STRN3: variants seen among roughly 807,000 people sequenced by gnomAD.
STRN3 encodes the protein striatin 3, also known as striatin-3.
STRN3 carries 29 observed loss-of-function variants against 95.6 expected under a neutral mutation model. The ratio of observed to expected loss-of-function variants is 0.30; its 90% CI spans 0.23 to 0.41. STRN3 has a LOEUF of 0.41. Among genes scored for constraint, STRN3 ranks in the 10% least tolerant of loss-of-function variants. The pLI, the probability that STRN3 is intolerant of heterozygous loss-of-function variation, is 1.00. For missense variants in STRN3, 890 were observed against 972.1 expected (o/e 0.92, Z 1.12); for synonymous variants, 331 against 357.6 (o/e 0.93, Z 0.84).
intron 1 of STRN3, among the ~76,000 whole-genome samples, chr14:30,992,730 C>T (rs1308644247): frequency 6.6e-6 from 1 of 151,740 alleles, no homozygotes; most frequent in Non-Finnish European, 1.5e-5. Flanking sequence ...AGTGAGTAAA[C>T]TGGCCAGGTA....
intron 1 of STRN3, among the ~76,000 whole-genome samples, chr14:30,965,617 C>T (rs1255622829): frequency 6.6e-6 from 1 of 151,830 alleles, no homozygotes; most frequent in African/African-American, 2.4e-5. Flanking sequence ...GTCAGGAGTT[C>T]AAGACCAGCC....
intron 1 of STRN3, among the ~76,000 whole-genome samples, chr14:31,003,030 G>A (rs61976804): frequency 0.039 from 5,914 of 152,132 alleles, 145 homozygotes; most frequent in East Asian, 0.08. Context: ...TTGGGAGGCC[G>A]AGGTGGACGG....
At chr14:30,964,774 G>A (rs1880393550) in intron 1 of STRN3, among the ~76,000 whole-genome samples, 1 of 152,060 alleles carries the variant, frequency 6.6e-6, no homozygotes, top group East Asian at 1.9e-4. Context: ...ACAAAAATTA[G>A]CCAGCTGTGG....
At chr14:30,924,800 C>T (rs919546622) in intron 8 of STRN3, among the ~76,000 whole-genome samples, 1 of 152,096 alleles carries the variant, frequency 6.6e-6, no homozygotes, top group African/African-American at 2.4e-5. Context: ...CAGTGAGCTA[C>T]AATGTGCTAC....
At chr14:31,002,022 C>T (rs180843812) in intron 1 of STRN3, among the ~76,000 whole-genome samples, 3 of 151,756 alleles carry the variant, frequency 2.0e-5, no homozygotes, top group Middle Eastern at 3.4e-3. Flanking sequence ...AAAAATCAGC[C>T]GGGCATGGTG....
At chr14:30,931,538 T>C (rs149318810) in intron 7 of STRN3, among the ~76,000 whole-genome samples, 1 of 152,330 alleles carries the variant, frequency 6.6e-6, no homozygotes, top group East Asian at 1.9e-4. Flanking sequence ...TAACTAACTT[T>C]ATGCAAATAC....
At chr14:30,933,183 G>C (rs1878626805) in intron 7 of STRN3, among the ~76,000 whole-genome samples, 1 of 151,040 alleles carries the variant, frequency 6.6e-6, no homozygotes. Flanking sequence ...GGAGACTGAG[G>C]TGGGAAGACC....
chr14:30,916,599 CTTT>C (rs1308391425), intron 9 of STRN3, among the ~76,000 whole-genome samples: 1 of 151,252 alleles, frequency 6.6e-6, no homozygotes. Flanking sequence ...TTAATATCTT[CTTT>C]TTTTTTCTAA....
rs556085745 is a variant in STRN3, at chr14:30,947,351, C to T, written c.543-88G>A. 145 of 1,033,376 alleles carry T rather than the reference C, an allele frequency of 1.4e-4. 3 individuals carry two copies. In the South Asian group the frequency reaches 1.8e-3, roughly 13 times the overall value. The allele number at this position is 1,033,376 out of a possible 1,614,324, so 64.0% of individuals were successfully genotyped here. A position where few individuals can be genotyped will look rare whatever the true frequency, so the allele number is the denominator to read the frequency against. On this transcript the variant is annotated intron_variant, in intron 4 of 17. Coordinates refer to ENST00000357479, the MANE Select transcript of STRN3 (RefSeq NM_001083893.2). ...ATCAAATTTTAGAAAAACCCATAAT[C>T]CTATAAAATATGCTCTCCCTTTGTC...
chr14:30,918,610 A>G (rs1482414503), intron 9 of STRN3, among the ~76,000 whole-genome samples: 1 of 152,172 alleles, frequency 6.6e-6, no homozygotes, highest in Non-Finnish European at 1.5e-5. Context: ...AATTTAAGCA[A>G]TAAGACAAAA....
intron 1 of STRN3, among the ~76,000 whole-genome samples, chr14:30,971,775 AAGT>A (rs1434757070): frequency 6.6e-6 from 1 of 152,168 alleles, no homozygotes; most frequent in African/African-American, 2.4e-5. Flanking sequence ...GCTAAAAAAA[AAGT>A]AGTTCGGTAA....
At chr14:30,977,989 T>A (rs535245001) in intron 1 of STRN3, among the ~76,000 whole-genome samples, 3 of 152,130 alleles carry the variant, frequency 2.0e-5, no homozygotes, top group Non-Finnish European at 2.9e-5. Context: ...AATGGATCCA[T>A]ATATACTAAA....
At chr14:30,922,191 T>C (rs554295494) in intron 8 of STRN3, among the ~76,000 whole-genome samples, 1 of 152,214 alleles carries the variant, frequency 6.6e-6, no homozygotes, top group South Asian at 2.1e-4. Context: ...ACTCAGCTAA[T>C]TTTTGTATTT....
intron 5 of STRN3, among the ~76,000 whole-genome samples, chr14:30,942,888 T>C (rs1879163372): frequency 6.6e-6 from 1 of 152,238 alleles, no homozygotes; most frequent in Non-Finnish European, 1.5e-5. Flanking sequence ...CATTAATTCA[T>C]TCCTTCCTCA....
chr14:30,918,600 A>C (rs185486242), intron 9 of STRN3, among the ~76,000 whole-genome samples: 37 of 152,286 alleles, frequency 2.4e-4, no homozygotes, highest in Admixed American at 6.5e-4. Context: ...TTAGTTCCTA[A>C]ATTTAAGCAA....
chr14:30,990,795 T>C (rs1054842963), intron 1 of STRN3, among the ~76,000 whole-genome samples: 14 of 152,220 alleles, frequency 9.2e-5, no homozygotes, highest in Non-Finnish European at 1.9e-4. Flanking sequence ...CTTGATTACT[T>C]TAAATACCTA....
chr14:31,018,642 T>C (rs1883358092), intron 1 of STRN3: 3 of 483,794 alleles, frequency 6.2e-6, no homozygotes, highest in Admixed American at 2.3e-5. Context: ...TGCAAGAACT[T>C]TGCGGACAAA....
chr14:30,997,359 A>G (rs2139279176), intron 1 of STRN3, among the ~76,000 whole-genome samples: 1 of 152,190 alleles, frequency 6.6e-6, no homozygotes, highest in Non-Finnish European at 1.5e-5. Flanking sequence ...ATCCAGAGCC[A>G]CACCTCCTCT....
At chr14:30,998,215 T>C (rs1882290426) in intron 1 of STRN3, among the ~76,000 whole-genome samples, 2 of 152,222 alleles carry the variant, frequency 1.3e-5, no homozygotes, top group African/African-American at 4.8e-5. Context: ...TTATTTGACC[T>C]GTAATCAAGC....
Sources: gnomAD v4.1 joint callset for allele counts (sites outside exome capture counted in the v4.1 genomes callset) on GRCh38, gnomAD v4.1.1 for gene constraint, MANE v1.5 for transcripts, NCBI Gene and HGNC (gene_info 2026-07-23, HGNC 2026-07-21) for gene names.